The following TRAPPC9 variants were observed in gnomAD, a reference collection of about 807,000 sequenced individuals.
TRAPPC9 encodes the protein trafficking protein particle complex subunit 9.
In TRAPPC9, 83 loss-of-function variants were observed where a neutral mutation model predicts 124.0. The observed-to-expected ratio is 0.67, with a 90% CI of 0.56 to 0.80. The LOEUF is 0.80. Ranked by LOEUF, TRAPPC9 falls within the 30% of genes least tolerant of loss-of-function variation. The pLI is 0.00. For missense variants in TRAPPC9, 1,302 were observed against 1,508.3 expected, an observed-to-expected ratio of 0.86 and a Z score of 2.27; for synonymous variants, 638 against 617.5, an observed-to-expected ratio of 1.03 and a Z score of -0.49.
At chr8:139,976,487 G>T (rs1056540091) in intron 19 of TRAPPC9, among the ~76,000 whole-genome samples, 2 of 152,134 alleles carry the variant, frequency 1.3e-5, no homozygotes, top group Non-Finnish European at 2.9e-5. Context: ...CAGACTGGGA[G>T]AAGTATCTCT....
At chr8:140,150,619 G>C (rs2061529604) in intron 17 of TRAPPC9, among the ~76,000 whole-genome samples, 1 of 152,210 alleles carries the variant, frequency 6.6e-6, no homozygotes, top group Non-Finnish European at 1.5e-5. Context: ...GCTGGAACCA[G>C]AGAGGAGATG....
At position 139,730,801 on chromosome 8, in the gene TRAPPC9, G is replaced by A; in HGVS notation, c.*260C>T. 1 of 528,104 alleles carries A rather than the reference G, an allele frequency of 1.9e-6. No individual in the cohort carries two copies. The highest frequency in any genetic ancestry group is 3.2e-5 in the East Asian group (1 of 31,230). 32.7% of individuals were successfully genotyped at this position (528,104 alleles called of 1,614,324 possible). On this transcript the variant is annotated 3_prime_UTR_variant, in exon 23 of 23. Coordinates refer to ENST00000438773, the MANE Select transcript of TRAPPC9 (RefSeq NM_001160372.4). ...TGGGCTGGATGGGCACCCGCTTTGG[G>A]ATTTCCTCTGCTTCAGCCTGTGTAT...
intron 7 of TRAPPC9, among the ~76,000 whole-genome samples, chr8:140,374,434 G>A (rs186952487): frequency 2.0e-5 from 3 of 152,296 alleles, no homozygotes; most frequent in Admixed American, 6.5e-5. Flanking sequence ...GCCAGGCGTG[G>A]TGGTGCATAC....
Position 140,451,103 on chromosome 8 carries a change from C to G in TRAPPC9, c.271G>C (p.Asp91His). The G allele has an allele frequency of 6.2e-7, 1 of 1,614,052 alleles. No individual in the cohort carries two copies. Among genetic ancestry groups the G allele is most frequent in the Non-Finnish European group, 8.5e-7 (1 of 1,179,994 alleles). The change falls in exon 2 of 23, where the codon GAC becomes CAC. Residue 91 changes from aspartate (D) to histidine (H), a missense_variant. This residue lies in a region of TRAPPC9 where 657 missense variants were observed against 811.2 expected (regional missense o/e 0.81). Transcript: ENST00000438773. Reference protein sequence around the residue: ...ITITDCFSAKDWPQTFEKFHV... With the variant: ...ITITDCFSAKHWPQTFEKFHV... The stretch of plus-strand genomic sequence containing the variant: ...AACTTCTCAAAGGTCTGTGGCCAGT[C>G]CTTGGCCGAGAAGCAGTCTGTGATG...
At chr8:140,139,039 T>A (rs2130760103) in intron 17 of TRAPPC9, among the ~76,000 whole-genome samples, 1 of 152,186 alleles carries the variant, frequency 6.6e-6, no homozygotes, top group Non-Finnish European at 1.5e-5. Flanking sequence ...ACCTGGAAGC[T>A]CTGAGGTTTA....
Position 140,146,335 on chromosome 8 carries a change from C to T in TRAPPC9, c.2556+75124G>A, listed in dbSNP as rs150923660. 2.9e-3 allele frequency among the ~76,000 whole-genome samples: 441 copies of T among 152,360 alleles called. 2 individuals are homozygous for T. The highest frequency in any genetic ancestry group is 0.01 in the African/African-American group (418 of 41,590). On this transcript the variant is annotated intron_variant, in intron 17 of 22. Transcript: ENST00000438773. ...CAGGAGGCAGCTGTGGGGGCCACCC[C>T]GGCATGGATGCCAGTGGCCACAGCA...
At chr8:140,180,390 G>A (rs76131195) in intron 17 of TRAPPC9, among the ~76,000 whole-genome samples, 2,747 of 151,664 alleles carry the variant, frequency 0.018, 74 homozygotes, top group African/African-American at 0.062. Flanking sequence ...CTTTATATAT[G>A]TTTTAAAGAC....
intron 17 of TRAPPC9, among the ~76,000 whole-genome samples, chr8:140,175,316 T>C (rs1333230092): frequency 6.6e-6 from 1 of 151,760 alleles, no homozygotes; most frequent in Non-Finnish European, 1.5e-5. Flanking sequence ...AGATGTATTA[T>C]TTCTTTGAGG....
chr8:139,888,262 C>G (rs1487504519), intron 20 of TRAPPC9, among the ~76,000 whole-genome samples: 1 of 152,226 alleles, frequency 6.6e-6, no homozygotes, highest in East Asian at 1.9e-4. Context: ...CTTCGTGGAG[C>G]TTGGTGCCGA....
chr8:140,019,251 G>A (rs1253170853), intron 18 of TRAPPC9, among the ~76,000 whole-genome samples: 5 of 152,034 alleles, frequency 3.3e-5, no homozygotes, highest in Non-Finnish European at 7.4e-5. Flanking sequence ...GAGGTTATTG[G>A]TCTACAGTTT....
intron 6 of TRAPPC9, among the ~76,000 whole-genome samples, chr8:140,401,123 A>T (rs772464289): frequency 6.6e-6 from 1 of 152,208 alleles, no homozygotes; most frequent in African/African-American, 2.4e-5. Context: ...TATAATCGAC[A>T]AGCCTTTGCT....
intron 10 of TRAPPC9, among the ~76,000 whole-genome samples, chr8:140,301,310 T>C (rs751604234): frequency 6.6e-6 from 1 of 152,196 alleles, no homozygotes; most frequent in African/African-American, 2.4e-5. Flanking sequence ...TAAGATAAAT[T>C]TACCAATCCA....
At chr8:140,391,709 T>G (rs2068928948) in intron 7 of TRAPPC9, among the ~76,000 whole-genome samples, 1 of 124,326 alleles carries the variant, frequency 8.0e-6, no homozygotes, top group Non-Finnish European at 1.6e-5. Context: ...CGAAACTCTG[T>G]CTCAAAAAAA....
chr8:139,774,444 C>T (rs983334877), intron 21 of TRAPPC9, among the ~76,000 whole-genome samples: 1 of 152,044 alleles, frequency 6.6e-6, no homozygotes, highest in Non-Finnish European at 1.5e-5. Flanking sequence ...GTGTGCACAC[C>T]CTGGGGCAGC....
chr8:139,863,229 T>A (rs1192091530), intron 21 of TRAPPC9, among the ~76,000 whole-genome samples: 1 of 152,228 alleles, frequency 6.6e-6, no homozygotes, highest in African/African-American at 2.4e-5. Flanking sequence ...CCTGATGCAC[T>A]AACCCCACAG....
chr8:140,122,385 C>T (rs560696633), intron 17 of TRAPPC9, among the ~76,000 whole-genome samples: 1 of 152,316 alleles, frequency 6.6e-6, no homozygotes, highest in East Asian at 1.9e-4. Flanking sequence ...CCCATAGAAA[C>T]TGTGTGCTAA....
intron 14 of TRAPPC9, among the ~76,000 whole-genome samples, chr8:140,276,995 T>C (rs537315923): frequency 6.6e-6 from 1 of 152,192 alleles, no homozygotes; most frequent in East Asian, 1.9e-4. Flanking sequence ...ACCACCCCAC[T>C]CCAGACACTC....
intron 7 of TRAPPC9, among the ~76,000 whole-genome samples, chr8:140,373,372 C>T (rs2068338893): frequency 2.0e-5 from 3 of 152,240 alleles, no homozygotes; most frequent in African/African-American, 7.2e-5. Context: ...CTCTCTGCTC[C>T]TGCAATGCCT....
chr8:140,003,453 T>C (rs570349390), intron 18 of TRAPPC9, among the ~76,000 whole-genome samples: 3 of 151,954 alleles, frequency 2.0e-5, no homozygotes, highest in Admixed American at 1.3e-4. Context: ...ATACAAAAAA[T>C]TAACTGCATG....
Sources: gnomAD v4.1 joint callset for allele counts (sites outside exome capture counted in the v4.1 genomes callset) on GRCh38, gnomAD v4.1.1 for gene constraint, gnomAD v4.1.1 regional missense constraint, MANE v1.5 for transcripts, NCBI Gene and HGNC (gene_info 2026-07-23, HGNC 2026-07-21) for gene names.